Variants in DIS3L observed in about 807,000 individuals in gnomAD.
DIS3L encodes DIS3 like exosome 3'-5' exoribonuclease.
DIS3L carries 100 observed loss-of-function variants against 120.3 expected under a neutral mutation model. The observed-to-expected ratio is 0.83, with a 90% CI of 0.71 to 0.98. DIS3L has a LOEUF of 0.98. DIS3L is among the 50% of genes least tolerant of loss of function. The pLI is 0.00. For synonymous variants in DIS3L, 426 were observed against 470.6 expected, an observed-to-expected ratio of 0.91 and a Z score of 1.23; for missense variants, 1,196 against 1,314.2, an observed-to-expected ratio of 0.91 and a Z score of 1.39.
intron 2 of DIS3L, among the ~76,000 whole-genome samples, chr15:66,303,612 A>G (rs926228427): frequency 6.6e-6 from 1 of 152,172 alleles, no homozygotes; most frequent in South Asian, 2.1e-4. Flanking sequence ...GGGAATAAAA[A>G]CTTCTAGGGG....
chr15:66,321,905 T>C (rs1415854741), intron 9 of DIS3L, among the ~76,000 whole-genome samples: 2 of 152,182 alleles, frequency 1.3e-5, no homozygotes, highest in African/African-American at 2.4e-5. Context: ...GCTTCTAATA[T>C]GTACAAGCAG....
At chr15:66,323,750 T>A (rs1297776284) in intron 11 of DIS3L, among the ~76,000 whole-genome samples, 165 bp downstream of exon 11, 1 of 151,984 alleles carries the variant, frequency 6.6e-6, no homozygotes, top group East Asian at 1.9e-4. Flanking sequence ...ACACCACTTA[T>A]CTTTAGGCAG....
At chr15:66,315,243 G>C (rs747093326) in intron 7 of DIS3L, 28 bp downstream of exon 7, 19 of 1,557,914 alleles carry the variant, frequency 1.2e-5, no homozygotes. Flanking sequence ...CCACTCCGAT[G>C]TCCATTTTTC....
At position 66,294,859 on chromosome 15, in the gene DIS3L, T is replaced by G. The variant is rs1316632983; in HGVS notation, c.140-129T>G. On this transcript the variant is annotated intron_variant, in intron 1 of 16. Coordinates refer to ENST00000319212, the MANE Select transcript of DIS3L (RefSeq NM_001143688.3). ...ACTTTGGGCCTCTACCAAAGTAGAT[T>G]TGTCTTTTAAAAACTCCCACCATGG... 4.9e-5 allele frequency: 48 copies of G among 985,338 alleles called. 2 individuals carry two copies. The highest frequency in any genetic ancestry group is 7.4e-5 in the South Asian group (4 of 54,268). The allele number at this position is 985,338 out of a possible 1,614,324, so 61.0% of individuals were successfully genotyped here. A position where few individuals can be genotyped will look rare whatever the true frequency, so the allele number is the denominator to read the frequency against.
At chr15:66,329,771 G>A (rs1225761423) in intron 14 of DIS3L, 1 of 951,886 alleles carries the variant, frequency 1.1e-6, no homozygotes, top group African/African-American at 1.8e-5. Context: ...AATTAGCCGG[G>A]TGTGATGGCA....
chr15:66,306,696 A>T, intron 2 of DIS3L, 128 bp from the exon 3 acceptor site: 4 of 1,317,494 alleles, frequency 3.0e-6, no homozygotes, highest in Non-Finnish European at 4.2e-6. Flanking sequence ...ATATAAATAC[A>T]TGTTCTTCAG....
At chr15:66,330,606 T>A in intron 14 of DIS3L, 3 of 957,820 alleles carry the variant, frequency 3.1e-6, no homozygotes, top group Non-Finnish European at 3.7e-6. Context: ...TTTGTCTCAG[T>A]AGAAATTTGG....
At chr15:66,293,524 AG>A, upstream of DIS3L, 1 of 1,284,838 alleles carries the variant, frequency 7.8e-7, no homozygotes, top group South Asian at 2.1e-5. Context: ...CCTAGGGCCG[AG>A]GGGCGGGTCC....
Position 66,300,953 on chromosome 15 carries a change from G to A in DIS3L, c.293+5812G>A, listed in dbSNP as rs182239128. On this transcript the variant is annotated intron_variant, in intron 2 of 16. Coordinates refer to ENST00000319212, the MANE Select transcript of DIS3L (RefSeq NM_001143688.3). ...TGTGGAAAACTCAGTGGTGTCTGAA[G>A]GTAAGTCTGTGAGACCCTACCTGGG... Among the ~76,000 whole-genome samples, 4 of 152,340 alleles carry A rather than the reference G, an allele frequency of 2.6e-5. No homozygotes were observed. In the East Asian group the frequency reaches 7.7e-4, roughly 29 times the overall value.
chr15:66,332,964 T>C lies in DIS3L; in HGVS notation c.2857-40T>C, dbSNP rs769828621. The C allele has an allele frequency of 1.9e-5, 30 of 1,586,238 alleles. No homozygotes were observed. In the South Asian group the frequency reaches 3.5e-4, roughly 18 times the overall value. ...TAATATTTTAAATGTAAGGAATAAA[T>C]AATGTGATTTAGTAATATGTATTTT... On this transcript the variant is annotated intron_variant, in intron 16 of 16. Coordinates refer to ENST00000319212, the MANE Select transcript of DIS3L (RefSeq NM_001143688.3).
rs71827453 is a variant in DIS3L, at chr15:66,333,810, CAG to C, written c.*501_*502del. 0.19 allele frequency: 28,056 copies of C among 148,944 alleles called. 3,285 individuals carry two copies. The highest frequency in any genetic ancestry group is 0.28 in the Middle Eastern group (81 of 288). The allele number at this position is 148,944 out of a possible 1,614,324, so 9.2% of individuals were successfully genotyped here. A position where few individuals can be genotyped will look rare whatever the true frequency, so the allele number is the denominator to read the frequency against. ...AAGTATAATTAGGTCACTATGGAAA[CAG>C]AGTTTTCAGTAATGAGTGGACAGTA... On this transcript the variant is annotated 3_prime_UTR_variant, in exon 17 of 17. Transcript: ENST00000319212.
intron 7 of DIS3L, among the ~76,000 whole-genome samples, chr15:66,317,976 T>C (rs546632617): frequency 4.1e-4 from 63 of 152,298 alleles, no homozygotes; most frequent in African/African-American, 1.4e-3. Flanking sequence ...TTGGTTTTTG[T>C]TTATGTGTTT....
chr15:66,293,849 C>T (rs1434581548), intron 1 of DIS3L, 114 bp downstream of exon 1: 26 of 1,004,520 alleles, frequency 2.6e-5, no homozygotes, highest in Admixed American at 1.2e-4. Context: ...AGGCGTAGGC[C>T]CCGCGGCCTG....
chr15:66,294,012 G>A (rs2092555066), intron 1 of DIS3L: 2 of 989,330 alleles, frequency 2.0e-6, no homozygotes, highest in Non-Finnish European at 2.4e-6. Context: ...GAGGCCGGGT[G>A]GTTTGGCTCC....
intron 8 of DIS3L, among the ~76,000 whole-genome samples, chr15:66,318,833 C>A (rs568654808): frequency 6.6e-6 from 1 of 152,206 alleles, no homozygotes; most frequent in East Asian, 1.9e-4. Flanking sequence ...CACTCTGTCA[C>A]CCAGGCTGGA....
intron 3 of DIS3L, among the ~76,000 whole-genome samples, chr15:66,307,866 A>G (rs1266708811): frequency 6.6e-6 from 1 of 152,158 alleles, no homozygotes; most frequent in Non-Finnish European, 1.5e-5. Context: ...GCTGCTGAGG[A>G]GCCACACGGA....
rs1268621655 is a variant in DIS3L, at chr15:66,318,389, A to G, written c.995-60A>G. ...CTTTTCCTTACTGCTTGAGGTGGTC[A>G]GAGTCCAGATAGATGGCACCTAACC... is the stretch of plus-strand genomic sequence containing the variant. On this transcript the variant is annotated intron_variant, in intron 7 of 16. Coordinates refer to ENST00000319212, the MANE Select transcript of DIS3L (RefSeq NM_001143688.3). 94 of 1,557,170 alleles carry G rather than the reference A, an allele frequency of 6.0e-5. 2 individuals carry two copies. In the South Asian group the frequency reaches 1.1e-3, roughly 18 times the overall value.
intron 2 of DIS3L, among the ~76,000 whole-genome samples, chr15:66,298,628 C>T (rs1489007453): frequency 6.6e-6 from 1 of 152,190 alleles, no homozygotes; most frequent in Non-Finnish European, 1.5e-5. Flanking sequence ...GCAGAGAATG[C>T]TTGTTCTCAT....
Position 66,323,483 on chromosome 15 carries a change from T to A in DIS3L, c.1575-10T>A. On this transcript the variant is annotated splice_polypyrimidine_tract_variant and intron_variant, in intron 10 of 16. Coordinates refer to ENST00000319212, the MANE Select transcript of DIS3L (RefSeq NM_001143688.3). ...TAAAGGTCGCGTTGCCGCGTGTGTG[T>A]CATTCACAGGGCCACCACTTATTAT... 6.2e-7 allele frequency: 1 copy of A among 1,614,074 alleles called. No individual in the cohort carries two copies. The highest frequency in any genetic ancestry group is 8.5e-7 in the Non-Finnish European group (1 of 1,179,976).
Sources: allele counts gnomAD v4.1 joint callset (sites outside exome capture counted in the v4.1 genomes callset), GRCh38; gene constraint gnomAD v4.1.1; transcripts MANE v1.5; gene names NCBI Gene and HGNC (gene_info 2026-07-23, HGNC 2026-07-21).